The following GARNL3 variants were observed in gnomAD, a reference collection of about 807,000 sequenced individuals.
The protein encoded by GARNL3 is GTPase-activating Rap/Ran-GAP domain-like protein 3.
Under a neutral mutation model 125.0 loss-of-function variants are expected in GARNL3, and 63 were observed. The ratio of observed to expected loss-of-function variants is 0.50; its 90% CI spans 0.41 to 0.62. The LOEUF is 0.62. Among genes scored for constraint, GARNL3 ranks in the 20% least tolerant of loss-of-function variants. The pLI is 0.00. For missense variants in GARNL3, 994 were observed against 1,244.0 expected, an observed-to-expected ratio of 0.80 and a Z score of 3.02; for synonymous variants, 439 against 457.5, an observed-to-expected ratio of 0.96 and a Z score of 0.52.
At chr9:127,346,639 A>G (rs1830153131) in intron 16 of GARNL3, among the ~76,000 whole-genome samples, 1 of 152,230 alleles carries the variant, frequency 6.6e-6, no homozygotes. Flanking sequence ...TTCACCAGGT[A>G]ATAACAGAGC....
At chr9:127,316,721 C>T (rs2065249745) in intron 4 of GARNL3, among the ~76,000 whole-genome samples, 1 of 152,230 alleles carries the variant, frequency 6.6e-6, no homozygotes, top group Non-Finnish European at 1.5e-5. Context: ...TTCTCATCCT[C>T]AGCTCCAAAG....
At chr9:127,303,436 T>C (rs2064858831) in intron 2 of GARNL3, among the ~76,000 whole-genome samples, 1 of 152,206 alleles carries the variant, frequency 6.6e-6, no homozygotes, top group African/African-American at 2.4e-5. Context: ...AGAAGTAGGT[T>C]GGGTCATGGA....
intron 1 of GARNL3, among the ~76,000 whole-genome samples, chr9:127,231,003 CATATGTGT>C (rs2062991994): frequency 5.3e-5 from 7 of 131,948 alleles, no homozygotes; most frequent in Admixed American, 1.6e-4. Context: ...TATATATACA[CATATGTGT>C]ATATATACAT....
chr9:127,390,586 T>C lies in GARNL3; in HGVS notation c.2744-55T>C. On this transcript the variant is annotated intron_variant, in intron 26 of 27. Coordinates refer to ENST00000373387, the MANE Select transcript of GARNL3 (RefSeq NM_032293.5). ...ACCAAGAAAAAATAAGGGTCTTTTC[T>C]GTCTCCGTGGCAGCCCTGTGGTAGT... is the stretch of plus-strand genomic sequence containing the variant. 7 of 1,574,738 alleles carry C rather than the reference T, an allele frequency of 4.4e-6. No individual in the cohort carries two copies. In the South Asian group the frequency reaches 6.9e-5, roughly 16 times the overall value.
intron 1 of GARNL3, among the ~76,000 whole-genome samples, chr9:127,281,485 T>C (rs2064102841): frequency 6.6e-6 from 1 of 152,186 alleles, no homozygotes; most frequent in African/African-American, 2.4e-5. Context: ...TGGTTGGTTC[T>C]ATATGCGCCA....
rs1476226111 is a variant in GARNL3 at position 127,354,290 on chromosome 9, C to T, written c.1643-4C>T. 6.2e-7 allele frequency: 1 copy of T among 1,606,356 alleles called. No homozygotes were observed. ...CTCCTCCTCTGTCTTTTTTATGTCA[C>T]CAGGAAAAGATGCTCGCCTCTTTGT... On this transcript the variant is annotated splice_polypyrimidine_tract_variant and splice_region_variant and intron_variant, in intron 18 of 27. Coordinates refer to ENST00000373387, the MANE Select transcript of GARNL3 (RefSeq NM_032293.5).
At chr9:127,360,425 TCCCAGCAGGCACGGTGCAGTGC>T in intron 21 of GARNL3, among the ~76,000 whole-genome samples, 1 of 152,076 alleles carries the variant, frequency 6.6e-6, no homozygotes, top group Non-Finnish European at 1.5e-5. Flanking sequence ...GCTGCACAGC[TCCCAGCAGGCACGGTGCAGTGC>T]ACAGCTCCCA....
intron 16 of GARNL3, among the ~76,000 whole-genome samples, chr9:127,346,341 G>C (rs1830137549): frequency 6.6e-6 from 1 of 152,152 alleles, no homozygotes; most frequent in Non-Finnish European, 1.5e-5. Context: ...TTACCTTACT[G>C]ATAAAGGTAT....
At chr9:127,307,167 C>G (rs527811951) in intron 2 of GARNL3, among the ~76,000 whole-genome samples, 5 of 152,098 alleles carry the variant, frequency 3.3e-5, no homozygotes, top group African/African-American at 1.2e-4. Context: ...TTGTTTTGCC[C>G]CATCCAAGTT....
At chr9:127,294,262 T>C (rs1189927897) in intron 2 of GARNL3, among the ~76,000 whole-genome samples, 1 of 152,166 alleles carries the variant, frequency 6.6e-6, no homozygotes, top group East Asian at 1.9e-4. Context: ...TCAGTTTTAA[T>C]TGGCAATTCC....
Position 127,335,342 on chromosome 9 carries a change from G to A in GARNL3, c.873+9G>A. 1.9e-6 allele frequency: 3 copies of A among 1,578,016 alleles called. No individual in the cohort carries two copies. Among genetic ancestry groups the A allele is most frequent in the Non-Finnish European group, 2.6e-6 (3 of 1,147,136 alleles). On this transcript the variant is annotated intron_variant, in intron 10 of 27. Transcript: ENST00000373387. ...AAGAGAACAAACAGCAGGTACATGT[G>A]AACATACAAACCATCAAATAGTGAT...
intron 1 of GARNL3, among the ~76,000 whole-genome samples, chr9:127,276,241 G>A (rs2131312269): frequency 6.6e-6 from 1 of 151,734 alleles, no homozygotes; most frequent in African/African-American, 2.4e-5. Flanking sequence ...TCCCACCTTA[G>A]CCTCCCAAGG....
intron 14 of GARNL3, 36 bp from the exon 15 acceptor site, chr9:127,344,199 T>G: frequency 1.4e-6 from 2 of 1,422,622 alleles, no homozygotes; most frequent in South Asian, 1.2e-5. Flanking sequence ...ACTTAACAAC[T>G]GTTTGTGGAA....
At chr9:127,331,104 C>T (rs1344896905) in intron 7 of GARNL3, among the ~76,000 whole-genome samples, 1 of 151,868 alleles carries the variant, frequency 6.6e-6, no homozygotes, top group Non-Finnish European at 1.5e-5. Flanking sequence ...TTGTAGAGGT[C>T]GATTCTCTTC....
At chr9:127,257,241 G>A (rs946440960) in intron 2 of GARNL3, among the ~76,000 whole-genome samples, 2 of 152,172 alleles carry the variant, frequency 1.3e-5, no homozygotes, top group African/African-American at 4.8e-5. Context: ...GAACATTTTT[G>A]TGCAGGGTGT....
At chr9:127,307,084 G>GT (rs1347183659) in intron 2 of GARNL3, among the ~76,000 whole-genome samples, 2 of 151,776 alleles carry the variant, frequency 1.3e-5, no homozygotes, top group Non-Finnish European at 2.9e-5. Flanking sequence ...CCATTCTATA[G>GT]TTTTTTTGCA....
At chr9:127,279,461 C>G (rs1220924310) in intron 1 of GARNL3, among the ~76,000 whole-genome samples, 1 of 152,078 alleles carries the variant, frequency 6.6e-6, no homozygotes, top group East Asian at 1.9e-4. Context: ...ATTCTATAAT[C>G]AGCATCTAAA....
chr9:127,377,559 G>A (rs1197444227), intron 22 of GARNL3, among the ~76,000 whole-genome samples: 1 of 152,106 alleles, frequency 6.6e-6, no homozygotes, highest in Non-Finnish European at 1.5e-5. Context: ...GGCTAAGGCG[G>A]GCAGATCACT....
chr9:127,291,329 G>A, intron 2 of GARNL3, 87 bp downstream of exon 2: 1 of 1,181,728 alleles, frequency 8.5e-7, no homozygotes, highest in South Asian at 1.3e-5. Context: ...TCTGGAAGAG[G>A]TAAATAGAGC....
Sources: allele counts gnomAD v4.1 joint callset (sites outside exome capture counted in the v4.1 genomes callset), GRCh38; gene constraint gnomAD v4.1.1; transcripts MANE v1.5; gene names NCBI Gene and HGNC (gene_info 2026-07-23, HGNC 2026-07-21).